Variants in CCDC91 observed in about 807,000 individuals in gnomAD.
CCDC91 encodes the protein coiled-coil domain containing 91.
CCDC91 carries 48 observed loss-of-function variants against 63.2 expected under a neutral mutation model. The observed-to-expected ratio is 0.76, with a 90% CI of 0.60 to 0.97. CCDC91 has a LOEUF of 0.97. Among genes scored for constraint, CCDC91 ranks in the 50% least tolerant of loss-of-function variants. The pLI is 0.00. For missense variants in CCDC91, 500 were observed against 494.6 expected (o/e 1.01, Z -0.10); for synonymous variants, 167 against 165.8 (o/e 1.01, Z -0.06).
chr12:28,354,824 C>T (rs758762377), intron 6 of CCDC91, among the ~76,000 whole-genome samples: 16 of 152,136 alleles, frequency 1.1e-4, no homozygotes, highest in Middle Eastern at 3.4e-3. Context: ...TTGATCGGGA[C>T]GTTTGTAGAT....
intron 6 of CCDC91, among the ~76,000 whole-genome samples, chr12:28,324,579 A>T (rs551673126): frequency 1.2e-4 from 19 of 152,020 alleles, no homozygotes; most frequent in African/African-American, 4.6e-4. Context: ...CGATCATTTT[A>T]TTCTCTGGCT....
At chr12:28,212,160 C>T (rs1381157722) in intron 1 of CCDC91, among the ~76,000 whole-genome samples, 1 of 152,192 alleles carries the variant, frequency 6.6e-6, no homozygotes, top group Admixed American at 6.5e-5. Context: ...ACTCAGTGCT[C>T]CTGGGGGTCG....
intron 7 of CCDC91, among the ~76,000 whole-genome samples, chr12:28,375,091 C>T (rs1409566070): frequency 1.3e-5 from 2 of 151,634 alleles, no homozygotes; most frequent in Non-Finnish European, 2.9e-5. Flanking sequence ...TGGATCAGAG[C>T]CCCACTTCTG....
intron 8 of CCDC91, among the ~76,000 whole-genome samples, chr12:28,421,596 G>T (rs1948017132): frequency 6.6e-6 from 1 of 150,486 alleles, no homozygotes; most frequent in South Asian, 2.1e-4. Flanking sequence ...ATTCCATGGT[G>T]TATATGTCTG....
At chr12:28,349,371 C>G (rs1943031524) in intron 6 of CCDC91, among the ~76,000 whole-genome samples, 1 of 152,120 alleles carries the variant, frequency 6.6e-6, no homozygotes, top group Non-Finnish European at 1.5e-5. Flanking sequence ...TGATGTAGAG[C>G]AGACTTGACT....
chr12:28,530,385 T>TC (rs1471180749), intron 12 of CCDC91, among the ~76,000 whole-genome samples: 2 of 152,228 alleles, frequency 1.3e-5, no homozygotes, highest in Non-Finnish European at 2.9e-5. Flanking sequence ...AGAGAGCGAA[T>TC]GAGCCTTCAT....
intron 8 of CCDC91, among the ~76,000 whole-genome samples, chr12:28,434,594 G>GTTTTTTTTTTTTTTTTTTTTTTT (rs376645678): frequency 1.4e-5 from 1 of 73,436 alleles, no homozygotes; most frequent in African/African-American, 5.9e-5. Context: ...CCTTGGTCTG[G>GTTTTTTTTTTTTTTTTTTTTTTT]TTTTTTTTTT....
chr12:28,267,824 T>TATAG (rs1565699921), intron 3 of CCDC91, among the ~76,000 whole-genome samples: 4,047 of 28,226 alleles, frequency 0.14, 810 homozygotes, highest in Non-Finnish European at 0.17. Flanking sequence ...AATTATATTA[T>TATAG]TAATATATAA....
chr12:28,462,302 A>G (rs1950345414), intron 11 of CCDC91, among the ~76,000 whole-genome samples: 1 of 152,134 alleles, frequency 6.6e-6, no homozygotes, highest in Non-Finnish European at 1.5e-5. Context: ...CCTAATATGT[A>G]CAAAATTCTC....
At chr12:28,344,649 G>A (rs564193520) in intron 6 of CCDC91, among the ~76,000 whole-genome samples, 4 of 152,156 alleles carry the variant, frequency 2.6e-5, no homozygotes, top group Non-Finnish European at 5.9e-5. Flanking sequence ...GTTACTATGT[G>A]CAAGGCACTA....
chr12:28,517,158 C>G (rs1233995676), intron 12 of CCDC91, among the ~76,000 whole-genome samples: 2 of 151,902 alleles, frequency 1.3e-5, no homozygotes, highest in Non-Finnish European at 2.9e-5. Context: ...CTTTGTTTTA[C>G]TTCATGTTAT....
intron 12 of CCDC91, among the ~76,000 whole-genome samples, chr12:28,497,719 A>G (rs1264152060): frequency 6.6e-6 from 1 of 151,626 alleles, no homozygotes; most frequent in Non-Finnish European, 1.5e-5. Flanking sequence ...TGTGATTAAT[A>G]CCTTGTACTA....
chr12:28,535,412 T>C (rs1298343955), intron 12 of CCDC91, among the ~76,000 whole-genome samples: 1 of 152,164 alleles, frequency 6.6e-6, no homozygotes, highest in East Asian at 1.9e-4. Flanking sequence ...CACAACGCCA[T>C]TTATTTATGT....
intron 12 of CCDC91, among the ~76,000 whole-genome samples, chr12:28,511,726 GC>G (rs1162262508): frequency 1.3e-5 from 2 of 151,860 alleles, no homozygotes; most frequent in African/African-American, 4.8e-5. Flanking sequence ...TTATGAAGGA[GC>G]TTCTGCACTG....
At chr12:28,319,906 C>T (rs1208059758) in intron 6 of CCDC91, among the ~76,000 whole-genome samples, 1 of 151,772 alleles carries the variant, frequency 6.6e-6, no homozygotes, top group Admixed American at 6.6e-5. Context: ...TCCCTGGATG[C>T]AGTACCTACA....
At chr12:28,329,591 C>A (rs1309101555) in intron 6 of CCDC91, among the ~76,000 whole-genome samples, 1 of 151,932 alleles carries the variant, frequency 6.6e-6, no homozygotes, top group East Asian at 1.9e-4. Context: ...TATAAATTGT[C>A]AGATATTAAG....
intron 2 of CCDC91, among the ~76,000 whole-genome samples, chr12:28,258,394 C>T (rs759426510): frequency 1.3e-5 from 2 of 151,886 alleles, no homozygotes; most frequent in Non-Finnish European, 2.9e-5. Flanking sequence ...AACCACACTT[C>T]ATGTATTATT....
chr12:28,460,179 T>C (rs1265260366), intron 11 of CCDC91, among the ~76,000 whole-genome samples: 2 of 152,106 alleles, frequency 1.3e-5, no homozygotes, highest in African/African-American at 2.4e-5. Context: ...CTTGGGACCA[T>C]ATATGTAGAG....
At chr12:28,388,928 C>A (rs1431428947) in intron 7 of CCDC91, among the ~76,000 whole-genome samples, 1 of 152,126 alleles carries the variant, frequency 6.6e-6, no homozygotes, top group Admixed American at 6.5e-5. Flanking sequence ...TGAAGAAACC[C>A]TTCTAGGCAT....
Sources: gnomAD v4.1 joint callset for allele counts (sites outside exome capture counted in the v4.1 genomes callset) on GRCh38, gnomAD v4.1.1 for gene constraint, MANE v1.5 for transcripts, NCBI Gene and HGNC (gene_info 2026-07-23, HGNC 2026-07-21) for gene names.